STK39: variants seen among roughly 807,000 people sequenced by gnomAD.
The protein encoded by STK39 is STE20/SPS1-related proline-alanine-rich protein kinase.
A neutral mutation model predicts 77.8 loss-of-function variants in STK39; 20 were observed. The observed-to-expected ratio is 0.26, with a 90% CI of 0.18 to 0.37. The LOEUF (loss-of-function observed/expected upper bound fraction) is 0.37. STK39 is among the 10% of genes least tolerant of loss of function. STK39 has a pLI of 1.00. For missense variants in STK39, 479 were observed against 656.5 expected, an observed-to-expected ratio of 0.73 and a Z score of 2.95; for synonymous variants, 246 against 234.1, an observed-to-expected ratio of 1.05 and a Z score of -0.47.
intron 2 of STK39, among the ~76,000 whole-genome samples, chr2:168,170,109 G>GT (rs561818808): frequency 9.9e-5 from 15 of 152,212 alleles, no homozygotes; most frequent in South Asian, 4.1e-4. Context: ...CCCAGGATAA[G>GT]TAATATTTCC....
At chr2:168,116,479 G>A (rs1278811406) in intron 10 of STK39, among the ~76,000 whole-genome samples, 2 of 152,112 alleles carry the variant, frequency 1.3e-5, no homozygotes, top group Non-Finnish European at 2.9e-5. Context: ...AGAACTACTG[G>A]ATTTCAAAGT....
chr2:168,081,523 G>A (rs1285385148), intron 10 of STK39, among the ~76,000 whole-genome samples: 1 of 152,140 alleles, frequency 6.6e-6, no homozygotes, highest in Non-Finnish European at 1.5e-5. Context: ...GATCATAGGT[G>A]GAAGGGACTT....
intron 16 of STK39, among the ~76,000 whole-genome samples, chr2:167,974,060 G>A (rs906207291): frequency 3.3e-5 from 5 of 152,086 alleles, no homozygotes; most frequent in African/African-American, 7.2e-5. Context: ...ATACACTAAT[G>A]CAAGGATGAA....
intron 7 of STK39, among the ~76,000 whole-genome samples, chr2:168,138,458 T>C (rs1409352348): frequency 2.0e-5 from 3 of 152,232 alleles, no homozygotes; most frequent in Non-Finnish European, 4.4e-5. Flanking sequence ...TTGCTCTATG[T>C]GTTAAGAATG....
intron 14 of STK39, among the ~76,000 whole-genome samples, chr2:168,057,693 C>A (rs984075424): frequency 4.6e-5 from 7 of 152,122 alleles, no homozygotes; most frequent in Admixed American, 3.3e-4. Context: ...CACAATTATT[C>A]TCCTCTCTTC....
chr2:167,984,774 C>T (rs1286608823), intron 16 of STK39, among the ~76,000 whole-genome samples: 1 of 152,004 alleles, frequency 6.6e-6, no homozygotes, highest in Non-Finnish European at 1.5e-5. Flanking sequence ...GTCAAATTAA[C>T]TTTTAAAAAT....
At chr2:168,079,769 T>G (rs141963280) in intron 10 of STK39, among the ~76,000 whole-genome samples, 81 of 152,362 alleles carry the variant, frequency 5.3e-4, no homozygotes, top group Non-Finnish European at 8.8e-4. Flanking sequence ...ATTGCCAGCC[T>G]AGCCCCTTGC....
chr2:168,016,555 G>T (rs1684415856), intron 15 of STK39, among the ~76,000 whole-genome samples: 1 of 152,198 alleles, frequency 6.6e-6, no homozygotes, highest in African/African-American at 2.4e-5. Flanking sequence ...AGGGTTTACT[G>T]ATGGACCAGC....
chr2:168,174,474 C>A (rs1057403009), intron 2 of STK39, among the ~76,000 whole-genome samples: 2 of 151,984 alleles, frequency 1.3e-5, no homozygotes, highest in African/African-American at 2.4e-5. Flanking sequence ...GCAAAAAATA[C>A]AGTAGTGATA....
At chr2:168,053,189 CA>C (rs374793942) in intron 14 of STK39, among the ~76,000 whole-genome samples, 95 of 152,240 alleles carry the variant, frequency 6.2e-4, no homozygotes, top group Middle Eastern at 3.4e-3. Context: ...CCCTCAATAT[CA>C]AATAACACTT....
chr2:167,977,856 T>C (rs1490631335), intron 16 of STK39, among the ~76,000 whole-genome samples: 2 of 152,200 alleles, frequency 1.3e-5, no homozygotes, highest in Middle Eastern at 3.2e-3. Flanking sequence ...CAGAGTTGGC[T>C]GTGTGGGAGA....
rs200097531 is a variant in STK39 at position 168,111,203 on chromosome 2, C to T, written c.1089+18338G>A. ...GAAGCTATAATTTATTTGCAATATC[C>T]TTTTGGTTGTTGTTTGAAATTTCAC... On this transcript the variant is annotated intron_variant, in intron 10 of 17. Coordinates refer to ENST00000355999, the MANE Select transcript of STK39 (RefSeq NM_013233.3). 1.1e-4 allele frequency among the ~76,000 whole-genome samples: 16 copies of T among 152,050 alleles called. No homozygotes were observed. In the East Asian group the frequency reaches 3.1e-3, roughly 29 times the overall value.
chr2:168,058,249 T>C (rs1014938642), intron 14 of STK39, among the ~76,000 whole-genome samples: 1 of 152,226 alleles, frequency 6.6e-6, no homozygotes, highest in Non-Finnish European at 1.5e-5. Flanking sequence ...TTTGCAAATA[T>C]ACTTGACCTA....
intron 10 of STK39, among the ~76,000 whole-genome samples, chr2:168,086,818 G>A (rs962254907): frequency 6.6e-6 from 1 of 152,200 alleles, no homozygotes; most frequent in East Asian, 1.9e-4. Flanking sequence ...TGTTCTGGAA[G>A]TTGGAAGGGA....
intron 1 of STK39, among the ~76,000 whole-genome samples, chr2:168,187,787 A>G (rs1689244136): frequency 6.6e-6 from 1 of 152,198 alleles, no homozygotes; most frequent in Non-Finnish European, 1.5e-5. Flanking sequence ...ATAAACATCT[A>G]GTACTTTTTT....
intron 14 of STK39, among the ~76,000 whole-genome samples, chr2:168,021,367 C>T (rs1373594671): frequency 6.6e-6 from 1 of 152,142 alleles, no homozygotes; most frequent in East Asian, 1.9e-4. Flanking sequence ...TTGAAAAGAT[C>T]ACAGTGATTG....
chr2:168,246,227 T>C (rs919590570), intron 1 of STK39, among the ~76,000 whole-genome samples: 1 of 152,184 alleles, frequency 6.6e-6, no homozygotes, highest in African/African-American at 2.4e-5. Flanking sequence ...CCACTTAACC[T>C]GGAGGCTTCC....
At chr2:168,041,263 A>T (rs1431884348) in intron 14 of STK39, among the ~76,000 whole-genome samples, 1 of 150,438 alleles carries the variant, frequency 6.6e-6, no homozygotes, top group Non-Finnish European at 1.5e-5. Context: ...GGTATTAATA[A>T]TATTATTCTA....
intron 1 of STK39, among the ~76,000 whole-genome samples, chr2:168,192,317 G>A (rs2105653989): frequency 6.6e-6 from 1 of 152,202 alleles, no homozygotes; most frequent in Middle Eastern, 3.4e-3. Flanking sequence ...GAGCTTAGAG[G>A]AAATCACTTA....
Sources: allele counts gnomAD v4.1 joint callset (sites outside exome capture counted in the v4.1 genomes callset), GRCh38; gene constraint gnomAD v4.1.1; transcripts MANE v1.5; gene names NCBI Gene and HGNC (gene_info 2026-07-23, HGNC 2026-07-21).